The following IRAK2 variants were observed in gnomAD, a reference collection of about 807,000 sequenced individuals.
The protein encoded by IRAK2 is interleukin 1 receptor associated kinase 2, also known as interleukin-1 receptor-associated kinase-like 2.
IRAK2 carries 57 observed loss-of-function variants against 72.0 expected under a neutral mutation model. The ratio of observed to expected loss-of-function variants is 0.79; its 90% CI spans 0.64 to 0.99. The LOEUF is 0.99. IRAK2 is among the 50% of genes least tolerant of loss of function. The pLI, the probability that IRAK2 is intolerant of heterozygous loss-of-function variation, is 0.00. For synonymous variants in IRAK2, 293 were observed against 312.7 expected, an observed-to-expected ratio of 0.94 and a Z score of 0.67; for missense variants, 790 against 794.4, an observed-to-expected ratio of 0.99 and a Z score of 0.07.
At chr3:10,168,994 C>T (rs974540931) in intron 1 of IRAK2, among the ~76,000 whole-genome samples, 4 of 152,164 alleles carry the variant, frequency 2.6e-5, no homozygotes, top group South Asian at 2.1e-4. Flanking sequence ...AAGTGTCGGC[C>T]GGTCTGAGAA....
intron 2 of IRAK2, among the ~76,000 whole-genome samples, chr3:10,187,609 C>A (rs1575962047): frequency 6.6e-6 from 1 of 151,852 alleles, no homozygotes; most frequent in Non-Finnish European, 1.5e-5. Context: ...GGAAACCCCG[C>A]ATACTTTATC....
intron 7 of IRAK2, 143 bp downstream of exon 7, chr3:10,217,191 G>T: frequency 1.6e-6 from 1 of 633,960 alleles, no homozygotes; most frequent in Non-Finnish European, 2.8e-6. Context: ...AGTGGGGCCA[G>T]GATACATAAG....
chr3:10,229,543 A>G (rs1290084251), intron 10 of IRAK2, among the ~76,000 whole-genome samples: 1 of 152,238 alleles, frequency 6.6e-6, no homozygotes, highest in Non-Finnish European at 1.5e-5. Flanking sequence ...ATTTCTGTCC[A>G]CATAGCTCTA....
chr3:10,189,815 C>T (rs1182824471), intron 2 of IRAK2, among the ~76,000 whole-genome samples: 1 of 152,040 alleles, frequency 6.6e-6, no homozygotes, highest in Non-Finnish European at 1.5e-5. Flanking sequence ...TGTGTCTGCT[C>T]TCTTGGAAGG....
In IRAK2 at chr3:10,217,019, G is replaced by A. The variant is rs1346241931; in HGVS notation, c.874G>A (p.Gly292Ser). The change falls in exon 7 of 13, where the codon GGT becomes AGT. Residue 292 changes from glycine to serine, a missense_variant. Coordinates refer to ENST00000256458, the MANE Select transcript of IRAK2 (RefSeq NM_001570.4). ...HSFIYPYMAN[G>S]SLQDRLQGQG... Reference sequence around the variant, plus strand: ...CTTCATCTACCCCTACATGGCAAATGGTTCCCTACAGGACAGACTGCAGGG... The same window carrying A: ...CTTCATCTACCCCTACATGGCAAATAGTTCCCTACAGGACAGACTGCAGGG... 14 of 1,613,824 alleles carry A rather than the reference G, an allele frequency of 8.7e-6. No homozygotes were observed. In the East Asian group the frequency reaches 2.0e-4, roughly 23 times the overall value.
chr3:10,223,681 T>C (rs930789646), intron 9 of IRAK2, among the ~76,000 whole-genome samples: 12 of 152,258 alleles, frequency 7.9e-5, no homozygotes, highest in African/African-American at 1.2e-4. Flanking sequence ...CATTTGACTA[T>C]GGAACCTTGT....
Position 10,213,336 on chromosome 3 carries a change from AC to A in IRAK2, c.660del (p.Phe221LeufsTer149). 1 of 1,613,880 alleles carries A rather than the reference AC, an allele frequency of 6.2e-7. No homozygotes were observed. Among genetic ancestry groups the A allele is most frequent in the African/African-American group, 1.3e-5 (1 of 74,912 alleles). On this transcript the variant is annotated frameshift_variant, in exon 5 of 13. Coordinates refer to ENST00000256458, the MANE Select transcript of IRAK2 (RefSeq NM_001570.4). LOFTEE classifies it high-confidence loss of function. The stretch of plus-strand genomic sequence containing the variant: ...TCAAAACCGCAAAATCAGCCAGGGG[AC>A]CTTTGCTGACGTCTACAGAGGGCAC... ...FNQNRKISQG[T>X]FADVYRGHRH... is the part of the protein sequence containing the mutation.
Position 10,228,299 on chromosome 3 carries a change from G to A in IRAK2, c.1272+1866G>A, listed in dbSNP as rs564149708. ...CATCCCCTGGGCTCTGGGGTAGGGAGGCTGAAGGCCTCGCTACTCCATGCA... is the reference window on the plus strand; with the variant it reads ...CATCCCCTGGGCTCTGGGGTAGGGAAGCTGAAGGCCTCGCTACTCCATGCA... On this transcript the variant is annotated intron_variant, in intron 10 of 12. Transcript: ENST00000256458. Among the ~76,000 whole-genome samples the A allele has an allele frequency of 2.0e-5, 3 of 152,248 alleles. No individual in the cohort carries two copies. The East Asian group carries it at 5.8e-4, about 29-fold the overall frequency.
chr3:10,179,991 T>A (rs1696937011), intron 2 of IRAK2, among the ~76,000 whole-genome samples: 1 of 152,160 alleles, frequency 6.6e-6, no homozygotes, highest in African/African-American at 2.4e-5. Flanking sequence ...GTTGAAGGTT[T>A]TTGCATTTTA....
intron 8 of IRAK2, among the ~76,000 whole-genome samples, chr3:10,221,347 A>G (rs375605035): frequency 7.5e-6 from 1 of 134,216 alleles, no homozygotes; most frequent in Non-Finnish European, 1.5e-5. Flanking sequence ...TCCGCCTCCC[A>G]GGTTCACGCC....
At chr3:10,229,041 C>T (rs1481967245) in intron 10 of IRAK2, among the ~76,000 whole-genome samples, 1 of 151,422 alleles carries the variant, frequency 6.6e-6, no homozygotes, top group Admixed American at 6.6e-5. Flanking sequence ...TCAAGAGATT[C>T]TCCTGCCTCA....
chr3:10,196,643 T>G (rs1697270612), intron 2 of IRAK2, among the ~76,000 whole-genome samples: 1 of 152,200 alleles, frequency 6.6e-6, no homozygotes, highest in South Asian at 2.1e-4. Context: ...GAAGTGCATG[T>G]TCTCTGGGTG....
intron 1 of IRAK2, among the ~76,000 whole-genome samples, chr3:10,165,921 G>T (rs1024920758): frequency 6.6e-6 from 1 of 151,900 alleles, no homozygotes; most frequent in South Asian, 2.1e-4. Context: ...GTAGAGACGG[G>T]GTTTCACCGT....
chr3:10,233,208 C>G (rs1179567018), intron 10 of IRAK2, among the ~76,000 whole-genome samples: 2 of 152,072 alleles, frequency 1.3e-5, no homozygotes, highest in Non-Finnish European at 2.9e-5. Context: ...CACCGCCATG[C>G]CCGGCTAATT....
At chr3:10,194,961 T>C (rs1382460528) in intron 2 of IRAK2, among the ~76,000 whole-genome samples, 1 of 152,138 alleles carries the variant, frequency 6.6e-6, no homozygotes, top group Non-Finnish European at 1.5e-5. Flanking sequence ...CCAAGTGTGC[T>C]GACAGGTCTG....
chr3:10,201,410 A>G (rs972971678), intron 3 of IRAK2, among the ~76,000 whole-genome samples: 2 of 152,206 alleles, frequency 1.3e-5, no homozygotes, highest in Non-Finnish European at 2.9e-5. Flanking sequence ...GCAGCCATGC[A>G]GTGGGGAATT....
Position 10,238,849 on chromosome 3 carries a change from C to T in IRAK2, c.1575C>T (p.Thr525=). 6.2e-7 allele frequency: 1 copy of T among 1,614,084 alleles called. No homozygotes were observed. The highest frequency in any genetic ancestry group is 2.2e-5 in the East Asian group (1 of 44,866). The change falls in exon 12 of 13, where the codon ACC becomes ACT. Residue 525 remains threonine (T), a synonymous_variant. Coordinates refer to ENST00000256458, the MANE Select transcript of IRAK2 (RefSeq NM_001570.4). ...AGGGTACAGGCTCTTCTTCCAACACCCCAGAGGAAACAGACGACGTTGACA... is the reference window on the plus strand; with the variant it reads ...AGGGTACAGGCTCTTCTTCCAACACTCCAGAGGAAACAGACGACGTTGACA... The part of the protein sequence containing the change: ...LSEGTGSSSN[T]PEETDDVDNS...
intron 2 of IRAK2, among the ~76,000 whole-genome samples, chr3:10,197,311 G>A (rs1212097460): frequency 6.6e-6 from 1 of 151,550 alleles, no homozygotes; most frequent in Admixed American, 6.6e-5. Flanking sequence ...CTTGAATCCA[G>A]GAGGCAGAGG....
At chr3:10,217,111 T>A (rs1217238443) in intron 7 of IRAK2, 63 bp downstream of exon 7, 3 of 1,231,232 alleles carry the variant, frequency 2.4e-6, no homozygotes, top group Non-Finnish European at 3.6e-6. Flanking sequence ...GGGTCAAGGG[T>A]TAAGGACTTA....
Sources: allele counts gnomAD v4.1 joint callset (sites outside exome capture counted in the v4.1 genomes callset), GRCh38; gene constraint gnomAD v4.1.1; transcripts MANE v1.5; gene names NCBI Gene and HGNC (gene_info 2026-07-23, HGNC 2026-07-21).